DCTN1: variants seen among roughly 807,000 people sequenced by gnomAD.
The protein encoded by DCTN1 is 150 kDa dynein-associated polypeptide.
A neutral mutation model predicts 161.2 loss-of-function variants in DCTN1; 61 were observed. The ratio of observed to expected loss-of-function variants is 0.38; its 90% CI spans 0.31 to 0.47. The LOEUF (loss-of-function observed/expected upper bound fraction) is 0.47. Ranked by LOEUF, DCTN1 falls within the 20% of genes least tolerant of loss-of-function variation. The probability of loss-of-function intolerance (pLI) is 0.99; values close to 1 mark genes in which losing one functional copy is unlikely to be tolerated. For missense variants in DCTN1, 1,404 were observed against 1,623.7 expected (o/e 0.86, Z 2.33); for synonymous variants, 653 against 632.4 (o/e 1.03, Z -0.49).
At chr2:74,375,682 A>G (rs1261987323) in intron 5 of DCTN1, among the ~76,000 whole-genome samples, 2 of 152,184 alleles carry the variant, frequency 1.3e-5, no homozygotes, top group Non-Finnish European at 2.9e-5. Flanking sequence ...CAATAATCAA[A>G]GGACAAAGCC....
Position 74,369,829 on chromosome 2 carries a change from A to G in DCTN1, c.1392+136T>C, listed in dbSNP as rs1241650791. The G allele has an allele frequency of 6.2e-6, 5 of 812,592 alleles. No individual in the cohort carries two copies. The highest frequency in any genetic ancestry group is 9.7e-6 in the Non-Finnish European group (5 of 517,586). 50.3% of individuals were successfully genotyped at this position (812,592 alleles called of 1,614,324 possible). ...GATTCCATCTCAGAAAAAAAAAAAA[A>G]AAAAAAAGGCAGGGTCAGGGTAGCA... On this transcript the variant is annotated intron_variant, in intron 13 of 31. Transcript: ENST00000628224. The surrounding 1 kb of genome is among the most constrained non-coding windows in gnomAD (Gnocchi z 4.9).
rs368531137 is a variant in DCTN1, at chr2:74,367,860, G to A, written c.2020C>T (p.Leu674Phe). ...QATLHRYEHA[L>F]SQCSVDVYKK... Reference sequence around the variant, plus strand: ...TACACATCCACACTGCACTGAGAGAGGGCACTAGAGACCAGAGAAGGGCAC... The same window carrying A: ...TACACATCCACACTGCACTGAGAGAAGGCACTAGAGACCAGAGAAGGGCAC... The change falls in exon 18 of 32, where the codon CTC becomes TTC. Residue 674 changes from leucine (L) to phenylalanine (F), a missense_variant. Transcript: ENST00000628224. The A allele has an allele frequency of 7.4e-6, 12 of 1,614,194 alleles. No homozygotes were observed. Among genetic ancestry groups the A allele is most frequent in the South Asian group, 1.1e-5 (1 of 91,078 alleles).
Position 74,362,017 on chromosome 2 carries a change from C to T in DCTN1, c.3699+35G>A, listed in dbSNP as rs752217460. The T allele has an allele frequency of 2.5e-6, 4 of 1,607,144 alleles. No homozygotes were observed. The South Asian group carries it at 3.3e-5, about 13-fold the overall frequency. On this transcript the variant is annotated intron_variant, in intron 31 of 31. Transcript: ENST00000628224. Reference sequence around the variant, plus strand: ...GAGGGGGGCCCGCCTGAGCTCTCCACACTGTCCCATCCTCCACCCCATGCT... The same window carrying T: ...GAGGGGGGCCCGCCTGAGCTCTCCATACTGTCCCATCCTCCACCCCATGCT...
intron 5 of DCTN1, among the ~76,000 whole-genome samples, chr2:74,376,224 G>A (rs959572041): frequency 1.3e-5 from 2 of 152,164 alleles, no homozygotes; most frequent in East Asian, 3.9e-4. Context: ...GTTGTGGGGT[G>A]TGGGGATATT....
chr2:74,369,300 C>T lies in DCTN1; in HGVS notation c.1584G>A (p.Gln528=). Residue 528 remains glutamine (Q), a splice_region_variant and synonymous_variant, in exon 14 of 32, where the codon CAG becomes CAA. Coordinates refer to ENST00000628224, the MANE Select transcript of DCTN1 (RefSeq NM_004082.5). The surrounding 1 kb of genome is among the most constrained non-coding windows in gnomAD (Gnocchi z 4.9). ...CAGAGAGCAAACAGTGGGCATGTAC[C>T]TGTAGATGGGCGGTCAGCTGGCGGT... The part of the protein sequence containing the change: ...KKYRQLTAHL[Q]DVNRELTNQQ... 6.2e-7 allele frequency: 1 copy of T among 1,614,186 alleles called. No individual in the cohort carries two copies. The highest frequency in any genetic ancestry group is 1.1e-5 in the South Asian group (1 of 91,092).
chr2:74,373,697 G>A (rs555599577), intron 6 of DCTN1, among the ~76,000 whole-genome samples: 18 of 152,232 alleles, frequency 1.2e-4, no homozygotes, highest in Non-Finnish European at 2.6e-4. Context: ...AAAATGGTAA[G>A]TGGACAATTA....
At chr2:74,373,964 G>A (rs1675057420) in intron 6 of DCTN1, among the ~76,000 whole-genome samples, 2 of 152,246 alleles carry the variant, frequency 1.3e-5, no homozygotes, top group Admixed American at 6.5e-5. Flanking sequence ...AAGGTTGGGT[G>A]AGGCAGGCAG....
At chr2:74,366,066 G>C in intron 23 of DCTN1, 48 bp from the exon 24 acceptor site, 1 of 1,613,846 alleles carries the variant, frequency 6.2e-7, no homozygotes, top group Non-Finnish European at 8.5e-7. Flanking sequence ...GGAGAGAAGA[G>C]ATCATCACTG....
chr2:74,367,508 T>C (rs574197607), intron 18 of DCTN1, 88 bp from the exon 19 acceptor site: 14 of 1,526,416 alleles, frequency 9.2e-6, no homozygotes, highest in African/African-American at 1.4e-5. Flanking sequence ...CTGGTCATCA[T>C]GGGTCTCTGG....
chr2:74,367,797 G>C lies in DCTN1; in HGVS notation c.2083C>G (p.His695Asp). The part of the protein sequence containing the change: ...VGSLYPEMSA[H>D]ERSLDFLIEL... ...ATGAGGAAATCCAAGGAGCGCTCAT[G>C]GGCACTCATCTCAGGGTACAGGCTG... Residue 695 changes from histidine to aspartate, a missense_variant, in exon 18 of 32, where the codon CAT becomes GAT. By Grantham distance (81) the His-to-Asp change is moderately conservative. Coordinates refer to ENST00000628224, the MANE Select transcript of DCTN1 (RefSeq NM_004082.5). 1 of 1,614,144 alleles carries C rather than the reference G, an allele frequency of 6.2e-7. No homozygotes were observed. Among genetic ancestry groups the C allele is most frequent in the South Asian group, 1.1e-5 (1 of 91,086 alleles).
intron 19 of DCTN1, 53 bp downstream of exon 19, chr2:74,367,299 G>A: frequency 6.2e-7 from 1 of 1,601,264 alleles, no homozygotes. Flanking sequence ...TTGACCTGAT[G>A]CCCTCCATTT....
chr2:74,361,701 G>C, intron 31 of DCTN1, 65 bp from the exon 32 acceptor site: 1 of 1,609,684 alleles, frequency 6.2e-7, no homozygotes, highest in South Asian at 1.1e-5. Flanking sequence ...GGCCACTGAA[G>C]GGGTCCCTGA....
chr2:74,380,112 G>T lies in DCTN1; in HGVS notation c.-75C>A, dbSNP rs911733612. 15 of 1,553,428 alleles carry T rather than the reference G, an allele frequency of 9.7e-6. No individual in the cohort carries two copies. The African/African-American group carries it at 2.0e-4, about 21-fold the overall frequency. On this transcript the variant is annotated 5_prime_UTR_variant, in exon 1 of 32. Transcript: ENST00000628224. ...GAAAAGGTAGAAACCTAGGCAGGAG[G>T]GTCAGGGCGCTGGGCCCTCATAGAG... is the stretch of plus-strand genomic sequence containing the variant.
chr2:74,372,812 C>T, intron 7 of DCTN1, 116 bp downstream of exon 7: 1 of 1,094,060 alleles, frequency 9.1e-7, no homozygotes, highest in South Asian at 1.3e-5. Flanking sequence ...CTGAAGAGAA[C>T]CCAGGATACA....
chr2:74,368,316 G>A, intron 16 of DCTN1, 185 bp from the exon 17 acceptor site: 6 of 771,854 alleles, frequency 7.8e-6, no homozygotes, highest in East Asian at 2.7e-5. Flanking sequence ...GATTACTGGA[G>A]GTTGTGAGGA....
chr2:74,382,967 C>T (rs1428727298), upstream of DCTN1, among the ~76,000 whole-genome samples: 2 of 151,182 alleles, frequency 1.3e-5, no homozygotes, highest in South Asian at 2.1e-4. Flanking sequence ...CCCAGCTACT[C>T]GGGAGGCTGA....
chr2:74,369,070 C>G lies in DCTN1; in HGVS notation c.1701+28G>C, dbSNP rs943943452. On this transcript the variant is annotated intron_variant, in intron 15 of 31. Transcript: ENST00000628224. The surrounding 1 kb of genome is among the most constrained non-coding windows in gnomAD (Gnocchi z 4.9). ...CCATACCAGTTCATCCCAGGCAGGG[C>G]TCCCTCAGACCCACACACTTTCCTG... The G allele has an allele frequency of 1.2e-6, 2 of 1,609,042 alleles. No homozygotes were observed. Among genetic ancestry groups the G allele is most frequent in the Non-Finnish European group, 1.7e-6 (2 of 1,175,952 alleles).
At chr2:74,379,946 C>G (rs1675434398) in intron 1 of DCTN1, 59 bp downstream of exon 1, 1 of 1,561,230 alleles carries the variant, frequency 6.4e-7, no homozygotes. Flanking sequence ...ATGATGTCCA[C>G]AGGCAGCCAG....
chr2:74,361,684 A>G (rs760502502), intron 31 of DCTN1, 48 bp from the exon 32 acceptor site: 1 of 1,613,538 alleles, frequency 6.2e-7, no homozygotes, highest in African/African-American at 1.3e-5. Context: ...GGCTCACTTG[A>G]GCTGTGGGCC....
Sources: allele counts gnomAD v4.1 joint callset (sites outside exome capture counted in the v4.1 genomes callset), GRCh38; gene constraint gnomAD v4.1.1; non-coding constraint Gnocchi (gnomAD v3.1); transcripts MANE v1.5; gene names NCBI Gene and HGNC (gene_info 2026-07-23, HGNC 2026-07-21).